The following CNTNAP2 variants were observed in gnomAD, a reference collection of about 807,000 sequenced individuals.
The protein encoded by CNTNAP2 is contactin associated protein 2.
A neutral mutation model predicts 155.2 loss-of-function variants in CNTNAP2; 98 were observed. The ratio of observed to expected loss-of-function variants is 0.63; its 90% CI spans 0.54 to 0.75. The LOEUF (loss-of-function observed/expected upper bound fraction) is 0.75. Among genes scored for constraint, CNTNAP2 ranks in the 30% least tolerant of loss-of-function variants. The pLI is 0.00. For synonymous variants in CNTNAP2, 651 were observed against 631.2 expected, an observed-to-expected ratio of 1.03 and a Z score of -0.47; for missense variants, 1,727 against 1,688.1, an observed-to-expected ratio of 1.02 and a Z score of -0.40.
At chr7:146,576,432 C>T (rs956727874) in intron 1 of CNTNAP2, among the ~76,000 whole-genome samples, 3 of 152,058 alleles carry the variant, frequency 2.0e-5, no homozygotes, top group African/African-American at 7.2e-5. Flanking sequence ...TTGGGAGAGC[C>T]CATGGAGAAG....
At chr7:147,401,864 CTG>C (rs1169101391) in intron 10 of CNTNAP2, among the ~76,000 whole-genome samples, 15 of 152,280 alleles carry the variant, frequency 9.9e-5, no homozygotes, top group African/African-American at 3.6e-4. Context: ...CTGTGTGGGA[CTG>C]TGAGTCAATT....
At chr7:148,214,508 A>G (rs1795603611) in intron 18 of CNTNAP2, among the ~76,000 whole-genome samples, 1 of 152,228 alleles carries the variant, frequency 6.6e-6, no homozygotes, top group Non-Finnish European at 1.5e-5. Context: ...GTAGCTGTTC[A>G]ATCCTATGTT....
intron 16 of CNTNAP2, 61 bp downstream of exon 16, chr7:148,118,349 G>C (rs537851976): frequency 1.3e-6 from 2 of 1,574,814 alleles, no homozygotes; most frequent in East Asian, 2.2e-5. Flanking sequence ...GGGTGGTCCG[G>C]GTCCTGATTG....
intron 3 of CNTNAP2, among the ~76,000 whole-genome samples, chr7:147,033,443 TAGGA>T (rs1799083901): frequency 6.6e-6 from 1 of 151,726 alleles, no homozygotes; most frequent in Non-Finnish European, 1.5e-5. Flanking sequence ...CCCCTACAAC[TAGGA>T]AACCCTTACA....
intron 17 of CNTNAP2, among the ~76,000 whole-genome samples, chr7:148,159,780 A>G (rs1231521000): frequency 6.6e-6 from 1 of 152,206 alleles, no homozygotes; most frequent in Admixed American, 6.5e-5. Flanking sequence ...CTGAATTTCT[A>G]TCAATAGTTC....
intron 15 of CNTNAP2, among the ~76,000 whole-genome samples, chr7:147,978,535 C>T (rs572125182): frequency 6.6e-5 from 10 of 152,206 alleles, no homozygotes; most frequent in African/African-American, 1.7e-4. Context: ...AGATTAGTCA[C>T]CCCAGAGAGG....
intron 8 of CNTNAP2, among the ~76,000 whole-genome samples, chr7:147,262,662 T>C (rs1334932634): frequency 1.3e-5 from 2 of 152,054 alleles, no homozygotes; most frequent in Non-Finnish European, 2.9e-5. Context: ...AAAAATTAGC[T>C]GGGCGTGGTG....
chr7:148,379,703 C>T (rs112452739), intron 21 of CNTNAP2, among the ~76,000 whole-genome samples: 32 of 152,212 alleles, frequency 2.1e-4, no homozygotes, highest in African/African-American at 6.5e-4. Context: ...CAGAGTAAGA[C>T]CCTGTCTCAT....
chr7:147,093,626 AAAC>A (rs1800461824), intron 4 of CNTNAP2, among the ~76,000 whole-genome samples: 1 of 152,162 alleles, frequency 6.6e-6, no homozygotes, highest in African/African-American at 2.4e-5. Flanking sequence ...TTCTGCCCCA[AAAC>A]CCCAAAATTC....
chr7:148,185,019 C>A (rs1015222312), intron 18 of CNTNAP2, among the ~76,000 whole-genome samples: 1 of 152,320 alleles, frequency 6.6e-6, no homozygotes, highest in South Asian at 2.1e-4. Flanking sequence ...CTTTCAAGAG[C>A]TGCTAGGAAA....
chr7:146,781,736 A>T (rs1280679822), intron 2 of CNTNAP2, among the ~76,000 whole-genome samples: 1 of 152,098 alleles, frequency 6.6e-6, no homozygotes, highest in East Asian at 1.9e-4. Flanking sequence ...CTTGTCTCTG[A>T]GTTGCATTTA....
intron 1 of CNTNAP2, among the ~76,000 whole-genome samples, chr7:146,211,130 G>A (rs576602056): frequency 2.0e-5 from 3 of 152,084 alleles, no homozygotes; most frequent in East Asian, 1.9e-4. Context: ...TGCACCAAAC[G>A]ATGCAAAATA....
intron 3 of CNTNAP2, among the ~76,000 whole-genome samples, chr7:146,974,639 T>A (rs767058728): frequency 6.6e-6 from 1 of 152,156 alleles, no homozygotes; most frequent in African/African-American, 2.4e-5. Context: ...AGTCTTCACA[T>A]TTAGTAAAAG....
At chr7:147,884,689 T>C (rs1799576726) in intron 13 of CNTNAP2, among the ~76,000 whole-genome samples, 2 of 152,244 alleles carry the variant, frequency 1.3e-5, no homozygotes, top group South Asian at 2.1e-4. Flanking sequence ...ACTGTTTATA[T>C]GTGTCCCTTT....
rs916999314 is a variant in CNTNAP2 at position 148,250,335 on chromosome 7, A to C, written c.3382-16698A>C. Among the ~76,000 whole-genome samples the C allele has an allele frequency of 3.3e-5, 5 of 152,168 alleles. No homozygotes were observed. The East Asian group carries it at 7.7e-4, about 24-fold the overall frequency. ...AATTTATCCCCTCCTACCATATTACATCATTTACTTTTTCTCTGTGTCTCT... is the reference window on the plus strand; with the variant it reads ...AATTTATCCCCTCCTACCATATTACCTCATTTACTTTTTCTCTGTGTCTCT... On this transcript the variant is annotated intron_variant, in intron 20 of 23. Coordinates refer to ENST00000361727, the MANE Select transcript of CNTNAP2 (RefSeq NM_014141.6).
chr7:148,089,566 ATACT>A (rs1803798535), intron 15 of CNTNAP2, among the ~76,000 whole-genome samples: 1 of 151,926 alleles, frequency 6.6e-6, no homozygotes, highest in Non-Finnish European at 1.5e-5. Context: ...TAAAAAAGAA[ATACT>A]TAAGAAAAAT....
chr7:147,809,792 C>T (rs1387593714), intron 13 of CNTNAP2, among the ~76,000 whole-genome samples: 2 of 152,218 alleles, frequency 1.3e-5, no homozygotes, highest in African/African-American at 4.8e-5. Flanking sequence ...ATCTACACTG[C>T]AGAGACAGAA....
At chr7:146,414,941 GA>G (rs1795916516) in intron 1 of CNTNAP2, among the ~76,000 whole-genome samples, 3 of 152,018 alleles carry the variant, frequency 2.0e-5, no homozygotes, top group East Asian at 1.9e-4. Flanking sequence ...GAATAGGGTG[GA>G]AAAAAAGGAG....
chr7:146,476,525 G>C (rs183431684), intron 1 of CNTNAP2, among the ~76,000 whole-genome samples: 21 of 151,866 alleles, frequency 1.4e-4, no homozygotes, highest in African/African-American at 3.6e-4. Flanking sequence ...TTTTACTTTT[G>C]GAGAGGCAAG....
Sources: gnomAD v4.1 joint callset for allele counts (sites outside exome capture counted in the v4.1 genomes callset) on GRCh38, gnomAD v4.1.1 for gene constraint, MANE v1.5 for transcripts, NCBI Gene and HGNC (gene_info 2026-07-23, HGNC 2026-07-21) for gene names.